The following DGKB variants were observed in gnomAD, a reference collection of about 807,000 sequenced individuals.
DGKB encodes 90 kDa diacylglycerol kinase.
Under a neutral mutation model 114.3 loss-of-function variants are expected in DGKB, and 67 were observed. That is an observed-to-expected ratio of 0.59 (90% CI 0.48 to 0.72). The LOEUF (loss-of-function observed/expected upper bound fraction) is 0.72. Ranked by LOEUF, DGKB falls within the 30% of genes least tolerant of loss-of-function variation. DGKB has a pLI of 0.00. For missense variants in DGKB, 907 were observed against 975.2 expected (o/e 0.93, Z 0.93); for synonymous variants, 398 against 323.1 (o/e 1.23, Z -2.49).
chr7:14,338,669 T>C lies in DGKB; in HGVS notation c.1968A>G (p.Glu656=), dbSNP rs549192341. The C allele has an allele frequency of 4.4e-6, 7 of 1,594,912 alleles. No individual in the cohort carries two copies. Among genetic ancestry groups the C allele is most frequent in the Non-Finnish European group, 6.0e-6 (7 of 1,170,448 alleles). ...VQIDLINISL[E]GIAILNIPSM... ...TTGGTATATTCAAAATAGCAATTCC[T>C]TCCAGAGAGATGTTTATTAAATCTA... Residue 656 remains glutamate (E), a synonymous_variant, in exon 23 of 26, where the codon GAA becomes GAG. Coordinates refer to ENST00000402815, the MANE Select transcript of DGKB (RefSeq NM_001350709.2).
At chr7:14,535,593 T>A (rs1201948930) in intron 20 of DGKB, among the ~76,000 whole-genome samples, 1 of 152,106 alleles carries the variant, frequency 6.6e-6, no homozygotes, top group South Asian at 2.1e-4. Flanking sequence ...ATTTATTTTT[T>A]AAAATTCATT....
At chr7:14,599,949 GA>G (rs1284254339) in intron 17 of DGKB, among the ~76,000 whole-genome samples, 2 of 151,736 alleles carry the variant, frequency 1.3e-5, no homozygotes, top group African/African-American at 2.4e-5. Flanking sequence ...AACTCCTATA[GA>G]AAAAAAATCA....
Position 14,841,347 on chromosome 7 carries a change from C to T in DGKB, c.-84G>A, listed in dbSNP as rs1847905931. 1.7e-6 allele frequency: 2 copies of T among 1,162,528 alleles called. No homozygotes were observed. The highest frequency in any genetic ancestry group is 1.6e-5 in the African/African-American group (1 of 64,452). The allele number at this position is 1,162,528 out of a possible 1,614,324, so 72.0% of individuals were successfully genotyped here. Reference sequence around the variant, plus strand: ...GCAGAGGTCTATGCTTCAAAGATTCCACATGGCATGTTTCATGATAAAATA... The same window carrying T: ...GCAGAGGTCTATGCTTCAAAGATTCTACATGGCATGTTTCATGATAAAATA... On this transcript the variant is annotated 5_prime_UTR_variant, in exon 2 of 26. The change creates a premature stop within an existing upstream ORF in the 5' untranslated region. Coordinates refer to ENST00000402815, the MANE Select transcript of DGKB (RefSeq NM_001350709.2).
At chr7:14,383,609 G>A (rs1207322644) in intron 21 of DGKB, among the ~76,000 whole-genome samples, 3 of 152,150 alleles carry the variant, frequency 2.0e-5, no homozygotes. Flanking sequence ...TTTTGCTCCA[G>A]CCCGCGTATC....
chr7:14,576,044 G>T (rs1020684831), intron 19 of DGKB, among the ~76,000 whole-genome samples: 1 of 152,044 alleles, frequency 6.6e-6, no homozygotes. Context: ...GTAATTACTC[G>T]CTACTTAATA....
chr7:14,710,144 T>A (rs1038582708), intron 6 of DGKB, among the ~76,000 whole-genome samples: 3 of 152,128 alleles, frequency 2.0e-5, no homozygotes, highest in Admixed American at 1.3e-4. Context: ...AGTCTTGAAA[T>A]CTACAACCAT....
chr7:14,352,593 C>G (rs1157063312), intron 21 of DGKB, among the ~76,000 whole-genome samples: 1 of 152,098 alleles, frequency 6.6e-6, no homozygotes, highest in African/African-American at 2.4e-5. Flanking sequence ...AATGTTTAAA[C>G]AATAACCAAT....
intron 23 of DGKB, among the ~76,000 whole-genome samples, chr7:14,232,373 GAAA>G (rs5882434): frequency 7.0e-6 from 1 of 142,532 alleles, no homozygotes. Context: ...GTAAGTTAGT[GAAA>G]AAAAAAAAAA....
rs1344542697 is a variant in DGKB, at chr7:14,176,866, C to A, written c.2277G>T (p.Gly759=). 6.2e-7 allele frequency: 1 copy of A among 1,613,730 alleles called. No homozygotes were observed. Among genetic ancestry groups the A allele is most frequent in the African/African-American group, 1.3e-5 (1 of 75,040 alleles). ...TGCATGGGGTCTGCATCCATGGCTC[C>A]CCATCAATTTGCATTGGCAGAGACT... The part of the protein sequence containing the change: ...TSKSLPMQID[G]EPWMQTPCTI... Residue 759 remains glycine, a synonymous_variant, in exon 25 of 26, where the codon GGG becomes GGT. Coordinates refer to ENST00000402815, the MANE Select transcript of DGKB (RefSeq NM_001350709.2).
chr7:14,729,178 A>G (rs367767370), intron 5 of DGKB, among the ~76,000 whole-genome samples: 2 of 132,146 alleles, frequency 1.5e-5, no homozygotes, highest in Admixed American at 8.4e-5. Context: ...GCTGGAGTGC[A>G]GTGGCGCCAT....
intron 23 of DGKB, among the ~76,000 whole-genome samples, chr7:14,283,414 A>G (rs1338135899): frequency 6.6e-6 from 1 of 151,532 alleles, no homozygotes; most frequent in Non-Finnish European, 1.5e-5. Flanking sequence ...GGAAGAATCA[A>G]TATTGTGAAA....
chr7:14,291,019 G>GT (rs1265062593), intron 23 of DGKB, among the ~76,000 whole-genome samples: 1 of 151,462 alleles, frequency 6.6e-6, no homozygotes, highest in Admixed American at 6.6e-5. Context: ...GCACACGCCT[G>GT]TAATCCCAGC....
At chr7:14,665,273 T>A (rs1305421394) in intron 13 of DGKB, among the ~76,000 whole-genome samples, 1 of 151,908 alleles carries the variant, frequency 6.6e-6, no homozygotes, top group East Asian at 1.9e-4. Flanking sequence ...AGGAAACTAA[T>A]GTAGGAACAG....
chr7:14,784,438 G>T (rs2128493809), intron 2 of DGKB, among the ~76,000 whole-genome samples: 1 of 149,956 alleles, frequency 6.7e-6, no homozygotes, highest in African/African-American at 2.5e-5. Flanking sequence ...TTCGATCTTG[G>T]CTCAATGCAG....
At chr7:14,482,206 A>T (rs912689827) in intron 20 of DGKB, among the ~76,000 whole-genome samples, 3 of 152,112 alleles carry the variant, frequency 2.0e-5, no homozygotes, top group Admixed American at 6.6e-5. Flanking sequence ...AGATAACTAG[A>T]ATTGTGCCTG....
At chr7:14,577,424 T>C (rs1799300035) in intron 19 of DGKB, among the ~76,000 whole-genome samples, 1 of 152,142 alleles carries the variant, frequency 6.6e-6, no homozygotes, top group Admixed American at 6.5e-5. Context: ...AAGACCATTC[T>C]GGCTAACACG....
rs572783317 is a variant in DGKB at position 14,198,093 on chromosome 7, G to A, written c.2123-19942C>T. On this transcript the variant is annotated intron_variant, in intron 23 of 25. Transcript: ENST00000402815. ...CTTTCCTTTGCCTCAGCAAAGGATT[G>A]AAATTAGCATTTGGGACTAAACAGA... 1.7e-3 allele frequency among the ~76,000 whole-genome samples: 265 copies of A among 152,206 alleles called. 4 individuals are homozygous for A. The highest frequency in any genetic ancestry group is 0.017 in the Middle Eastern group (5 of 294).
chr7:14,613,617 T>C (rs1264411685), intron 15 of DGKB, among the ~76,000 whole-genome samples: 2 of 151,360 alleles, frequency 1.3e-5, no homozygotes, highest in East Asian at 3.9e-4. Context: ...GAAAACCTCC[T>C]CCACAAAGAA....
chr7:14,870,151 A>G (rs1350050838), intron 1 of DGKB, among the ~76,000 whole-genome samples: 1 of 151,988 alleles, frequency 6.6e-6, no homozygotes, highest in Non-Finnish European at 1.5e-5. Context: ...ACTGCAGCCC[A>G]CCATTCTCAC....
Sources: gnomAD v4.1 joint callset for allele counts (sites outside exome capture counted in the v4.1 genomes callset) on GRCh38, gnomAD v4.1.1 for gene constraint, MANE v1.5 for transcripts, NCBI Gene and HGNC (gene_info 2026-07-23, HGNC 2026-07-21) for gene names.